Variants in BMP2K observed in about 807,000 individuals in gnomAD.
The protein encoded by BMP2K is BMP-2-inducible protein kinase.
In BMP2K, 74 loss-of-function variants were observed where a neutral mutation model predicts 116.0. The observed-to-expected ratio is 0.64, with a 90% CI of 0.53 to 0.77. The LOEUF is 0.77. Ranked by LOEUF, BMP2K falls within the 30% of genes least tolerant of loss-of-function variation. The pLI is 0.00. For missense variants in BMP2K, 1,365 were observed against 1,403.6 expected (o/e 0.97, Z 0.44); for synonymous variants, 486 against 502.5 (o/e 0.97, Z 0.44).
rs149019147 is a variant in BMP2K at position 78,814,074 on chromosome 4, A to G, written c.179-11963A>G. Reference sequence around the variant, plus strand: ...TGAGTCTAGGGGAGTGTGAAAAAGCAAAATGGGGACTTGGAATGAGATGAA... The same window carrying G: ...TGAGTCTAGGGGAGTGTGAAAAAGCGAAATGGGGACTTGGAATGAGATGAA... On this transcript the variant is annotated intron_variant, in intron 1 of 15. Transcript: ENST00000502613. Among the ~76,000 whole-genome samples the G allele has an allele frequency of 3.4e-3, 513 of 152,368 alleles. 3 individuals carry two copies. The highest frequency in any genetic ancestry group is 5.6e-3 in the Non-Finnish European group (380 of 68,040).
Position 78,871,909 on chromosome 4 carries a change from A to C in BMP2K, c.1569A>C (p.Val523=). 6.2e-7 allele frequency: 1 copy of C among 1,612,906 alleles called. No individual in the cohort carries two copies. The highest frequency in any genetic ancestry group is 8.5e-7 in the Non-Finnish European group (1 of 1,179,334). ...MLQQQFLMHS[V]YQPQPSASQY... ...AACAACAATTTTTAATGCATTCGGT[A>C]TATCAACCACAACCTTCTGCATCAC... The change falls in exon 12 of 16, where the codon GTA becomes GTC. Residue 523 remains valine (V), a synonymous_variant. Transcript: ENST00000502613.
Position 78,776,541 on chromosome 4 carries a change from A to C in BMP2K, c.-3A>C. ...CTGCGCCCTCCAGCTCGCCGGCGGG[A>C]CCATGAAGAAGTTCTCTCGGATGCC... On this transcript the variant is annotated 5_prime_UTR_variant, in exon 1 of 16. Transcript: ENST00000502613. 1 of 1,142,936 alleles carries C rather than the reference A, an allele frequency of 8.7e-7. No homozygotes were observed. The highest frequency in any genetic ancestry group is 1.1e-6 in the Non-Finnish European group (1 of 927,420). 70.8% of individuals were successfully genotyped at this position (1,142,936 alleles called of 1,614,324 possible).
rs752366508 is a variant in BMP2K at position 78,911,585 on chromosome 4, G to A, written c.3038G>A (p.Arg1013His). 2.5e-6 allele frequency: 4 copies of A among 1,613,958 alleles called. No individual in the cohort carries two copies. The East Asian group carries it at 6.7e-5, about 27-fold the overall frequency. Residue 1013 changes from arginine to histidine, a missense_variant, in exon 16 of 16, where the codon CGC (arginine) becomes CAC (histidine). This residue lies in a region of BMP2K where 596 missense variants were observed against 623.2 expected (regional missense o/e 0.96). Coordinates refer to ENST00000502613, the MANE Select transcript of BMP2K (RefSeq NM_198892.2). Reference protein sequence around the residue: ...STKKTLKPTYRTPERARRHKK... With the variant: ...STKKTLKPTYHTPERARRHKK... ...AAGAAGACTTTGAAGCCTACCTATCGCACTCCAGAGAGGGCTCGCAGGCAC... is the reference window on the plus strand; with the variant it reads ...AAGAAGACTTTGAAGCCTACCTATCACACTCCAGAGAGGGCTCGCAGGCAC...
intron 1 of BMP2K, among the ~76,000 whole-genome samples, chr4:78,787,303 A>G (rs1215349005): frequency 2.0e-5 from 3 of 152,224 alleles, no homozygotes; most frequent in African/African-American, 7.2e-5. Context: ...ATGTAGTTCT[A>G]GCATTAAATA....
chr4:78,897,160 T>A (rs72660916), intron 15 of BMP2K, among the ~76,000 whole-genome samples: 1,794 of 151,614 alleles, frequency 0.012, 12 homozygotes, highest in Middle Eastern at 0.028. Context: ...TTGGTAAAAC[T>A]TTTTTTTGAG....
intron 1 of BMP2K, among the ~76,000 whole-genome samples, chr4:78,797,765 ATG>A (rs1159381457): frequency 6.6e-6 from 1 of 152,152 alleles, no homozygotes; most frequent in Non-Finnish European, 1.5e-5. Context: ...CCTTTCAGCA[ATG>A]TGAGAAAGTT....
chr4:78,912,009 T>C lies in BMP2K; in HGVS notation c.3462T>C (p.Ala1154=). Residue 1154 remains alanine, a synonymous_variant, in exon 16 of 16, where the codon GCT becomes GCC. Coordinates refer to ENST00000502613, the MANE Select transcript of BMP2K (RefSeq NM_198892.2). ...CAGTCGAATTAGACCCATTTGGTGCTGCTCCATTTCCTTCTAAACAGTAGA... is the reference window on the plus strand; with the variant it reads ...CAGTCGAATTAGACCCATTTGGTGCCGCTCCATTTCCTTCTAAACAGTAGA... ...SQPVELDPFG[A]APFPSKQ is the part of the protein sequence containing the mutation. 1 of 1,612,254 alleles carries C rather than the reference T, an allele frequency of 6.2e-7. No individual in the cohort carries two copies. The highest frequency in any genetic ancestry group is 1.1e-5 in the South Asian group (1 of 90,828).
At chr4:78,868,072 T>TA (rs1481043135) in intron 10 of BMP2K, among the ~76,000 whole-genome samples, 2 of 152,054 alleles carry the variant, frequency 1.3e-5, no homozygotes, top group African/African-American at 2.4e-5. Flanking sequence ...AAATAGTAAG[T>TA]AAATAAAATA....
At chr4:78,827,569 C>T (rs1305826760) in intron 2 of BMP2K, among the ~76,000 whole-genome samples, 1 of 152,094 alleles carries the variant, frequency 6.6e-6, no homozygotes, top group East Asian at 1.9e-4. Flanking sequence ...CATAGCACAC[C>T]TGCTTGCTGA....
At position 78,846,734 on chromosome 4, in the gene BMP2K, C is replaced by T. The variant is rs540489610; in HGVS notation, c.669-454C>T. Reference sequence around the variant, plus strand: ...ACTCAAAAGAGATTTACTACTGTGTCAAGGAAGTACGTTAGAGTCCATAAA... The same window carrying T: ...ACTCAAAAGAGATTTACTACTGTGTTAAGGAAGTACGTTAGAGTCCATAAA... On this transcript the variant is annotated intron_variant, in intron 5 of 15. Coordinates refer to ENST00000502613, the MANE Select transcript of BMP2K (RefSeq NM_198892.2). Among the ~76,000 whole-genome samples, 399 of 151,536 alleles carry T rather than the reference C, an allele frequency of 2.6e-3. 1 individual carries two copies. The highest frequency in any genetic ancestry group is 9.1e-3 in the African/African-American group (376 of 41,428).
intron 4 of BMP2K, among the ~76,000 whole-genome samples, chr4:78,844,179 A>G (rs561497813): frequency 6.6e-6 from 1 of 151,862 alleles, no homozygotes; most frequent in Admixed American, 6.6e-5. Flanking sequence ...AACTCATTTA[A>G]TGTTCACAAC....
Position 78,914,690 on chromosome 4 carries a change from A to G in BMP2K, c.*2657A>G, listed in dbSNP as rs1263155096. ...TTCAATTCTGGTTTAAGGAAGGAAG[A>G]AAGGTTATTATATATGTACCACTAA... On this transcript the variant is annotated 3_prime_UTR_variant, in exon 16 of 16. Transcript: ENST00000502613. 6.7e-6 allele frequency: 1 copy of G among 149,284 alleles called. No individual in the cohort carries two copies. The highest frequency in any genetic ancestry group is 2.5e-5 in the African/African-American group (1 of 40,230). The allele number at this position is 149,284 out of a possible 1,614,324, so 9.2% of individuals were successfully genotyped here.
rs200843735 is a variant in BMP2K, at chr4:78,871,842, C to T, written c.1510-8C>T. ...ATAACATTTATTAATTTGATTTTCT[C>T]GTTGTAGTATCAACATGCAACACAG... On this transcript the variant is annotated splice_region_variant and splice_polypyrimidine_tract_variant and intron_variant, in intron 11 of 15. Coordinates refer to ENST00000502613, the MANE Select transcript of BMP2K (RefSeq NM_198892.2). 34 of 1,594,224 alleles carry T rather than the reference C, an allele frequency of 2.1e-5. No homozygotes were observed. The highest frequency in any genetic ancestry group is 8.1e-5 in the African/African-American group (6 of 74,324).
intron 15 of BMP2K, among the ~76,000 whole-genome samples, chr4:78,892,054 T>C (rs181257373): frequency 6.6e-6 from 1 of 152,314 alleles, no homozygotes; most frequent in Admixed American, 6.5e-5. Context: ...TGAACTTTGG[T>C]TTTCTTTCCT....
At chr4:78,891,099 A>G (rs990385715) in intron 15 of BMP2K, among the ~76,000 whole-genome samples, 3 of 152,128 alleles carry the variant, frequency 2.0e-5, no homozygotes, top group Non-Finnish European at 2.9e-5. Context: ...CTGATACCTG[A>G]TTGATAATTT....
At chr4:78,797,398 A>G (rs928794088) in intron 1 of BMP2K, among the ~76,000 whole-genome samples, 7 of 152,216 alleles carry the variant, frequency 4.6e-5, no homozygotes, top group African/African-American at 1.7e-4. Context: ...AGCTAAGAGG[A>G]ATAATGCAAA....
At chr4:78,842,772 T>C (rs976072742) in intron 4 of BMP2K, among the ~76,000 whole-genome samples, 1 of 152,048 alleles carries the variant, frequency 6.6e-6, no homozygotes, top group Non-Finnish European at 1.5e-5. Flanking sequence ...CTGTTTTCTA[T>C]AGTAGGCTTC....
chr4:78,848,781 G>A (rs1372257070), intron 6 of BMP2K, among the ~76,000 whole-genome samples: 2 of 150,788 alleles, frequency 1.3e-5, no homozygotes, highest in Non-Finnish European at 3.0e-5. Context: ...AAAACTGTAA[G>A]CTGTGGGCTT....
intron 2 of BMP2K, among the ~76,000 whole-genome samples, chr4:78,827,238 C>CT (rs1418784152): frequency 6.6e-6 from 1 of 151,690 alleles, no homozygotes; most frequent in Non-Finnish European, 1.5e-5. Context: ...TCTTATCTTT[C>CT]TTTCTTTTTT....
Sources: allele counts gnomAD v4.1 joint callset (sites outside exome capture counted in the v4.1 genomes callset), GRCh38; gene constraint gnomAD v4.1.1; regional missense constraint gnomAD v4.1.1; transcripts MANE v1.5; gene names NCBI Gene and HGNC (gene_info 2026-07-23, HGNC 2026-07-21).